The following LIMD1 variants were observed in gnomAD, a reference collection of about 807,000 sequenced individuals.
The protein encoded by LIMD1 is LIM domain-containing protein 1.
In LIMD1, 23 loss-of-function variants were observed where a neutral mutation model predicts 58.4. The ratio of observed to expected loss-of-function variants is 0.39; its 90% CI spans 0.28 to 0.56. LIMD1 has a LOEUF of 0.56. Ranked by LOEUF, LIMD1 falls within the 20% of genes least tolerant of loss-of-function variation. The probability of loss-of-function intolerance (pLI) is 0.57; values close to 1 mark genes in which losing one functional copy is unlikely to be tolerated. For missense variants in LIMD1, 838 were observed against 855.5 expected (o/e 0.98, Z 0.25); for synonymous variants, 334 against 345.5 (o/e 0.97, Z 0.37).
chr3:45,617,282 G>A (rs1011872446), intron 1 of LIMD1, among the ~76,000 whole-genome samples: 21 of 147,708 alleles, frequency 1.4e-4, no homozygotes, highest in Non-Finnish European at 3.0e-4. Context: ...CCTGACCTCA[G>A]GTGATCTACT....
chr3:45,615,823 C>CA (rs1275389924), intron 1 of LIMD1, among the ~76,000 whole-genome samples: 3 of 151,432 alleles, frequency 2.0e-5, no homozygotes, highest in Admixed American at 6.6e-5. Flanking sequence ...TCTAAGCCTC[C>CA]AATGTCTGTC....
intron 1 of LIMD1, among the ~76,000 whole-genome samples, chr3:45,627,211 A>T (rs1303301838): frequency 3.3e-5 from 5 of 152,066 alleles, no homozygotes; most frequent in African/African-American, 1.2e-4. Context: ...CTGAGCTGGG[A>T]TTTGGGGATT....
intron 1 of LIMD1, among the ~76,000 whole-genome samples, chr3:45,601,737 A>G (rs1701414836): frequency 6.6e-6 from 1 of 152,142 alleles, no homozygotes; most frequent in South Asian, 2.1e-4. Flanking sequence ...TCAAGACCAT[A>G]TGGGTACAAG....
At position 45,676,962 on chromosome 3, in the gene LIMD1, G is replaced by C. The variant is rs754792470; in HGVS notation, c.1934G>C (p.Cys645Ser). 3 of 1,614,154 alleles carry C rather than the reference G, an allele frequency of 1.9e-6. No homozygotes were observed. The highest frequency in any genetic ancestry group is 1.7e-6 in the Non-Finnish European group (2 of 1,179,998). ...CTCAATGATGAAGATGGCCACCGCT[G>C]TTATCCGCTGGAGGACCACCTGTTC... The part of the protein sequence containing the change: ...LELNDEDGHR[C>S]YPLEDHLFCH... Residue 645 changes from cysteine to serine, a missense_variant, in exon 8 of 8, where the codon TGT becomes TCT. Physicochemically the swap from Cys to Ser is moderately radical, Grantham distance 112. Coordinates refer to ENST00000273317, the MANE Select transcript of LIMD1 (RefSeq NM_014240.3).
chr3:45,611,172 C>G (rs1701519115), intron 1 of LIMD1, among the ~76,000 whole-genome samples: 1 of 152,182 alleles, frequency 6.6e-6, no homozygotes, highest in Non-Finnish European at 1.5e-5. Context: ...AAGCCAAGCC[C>G]AATCGATTTG....
chr3:45,628,699 C>T (rs774760828), intron 1 of LIMD1, among the ~76,000 whole-genome samples: 6 of 152,080 alleles, frequency 3.9e-5, no homozygotes, highest in Admixed American at 2.0e-4. Context: ...CCATTACAAA[C>T]GCTTGTACAC....
intron 1 of LIMD1, among the ~76,000 whole-genome samples, chr3:45,621,444 T>A (rs933103130): frequency 6.6e-6 from 1 of 152,138 alleles, no homozygotes; most frequent in East Asian, 1.9e-4. Flanking sequence ...TCTTACTCTG[T>A]TGCCAGGCTG....
chr3:45,636,168 G>A lies in LIMD1; in HGVS notation c.1427G>A (p.Ser476Asn), dbSNP rs775186675. 6.2e-7 allele frequency: 1 copy of A among 1,612,856 alleles called. No homozygotes were observed. Among genetic ancestry groups the A allele is most frequent in the South Asian group, 1.1e-5 (1 of 90,874 alleles). Residue 476 changes from serine to asparagine, a missense_variant, in exon 2 of 8, where the codon AGC becomes AAC. By Grantham distance (46) the Ser-to-Asn change is conservative. This residue lies in a region of LIMD1 where 659 missense variants were observed against 639.8 expected (regional missense o/e 1.03). Coordinates refer to ENST00000273317, the MANE Select transcript of LIMD1 (RefSeq NM_014240.3). ...CTGCAAGGAGCCTGTGTGAAATGCA[G>A]CAAAGGGGTGTTTGGGGCTGGCCAG... ...ADYFGACVKC[S>N]KGVFGAGQAC...
intron 2 of LIMD1, among the ~76,000 whole-genome samples, chr3:45,637,921 G>A (rs1023832488): frequency 6.6e-6 from 1 of 151,942 alleles, no homozygotes; most frequent in African/African-American, 2.4e-5. Context: ...GAGAATGTCC[G>A]CAGTGGAAAT....
intron 4 of LIMD1, among the ~76,000 whole-genome samples, chr3:45,671,999 A>T (rs1417400434): frequency 6.6e-6 from 1 of 152,188 alleles, no homozygotes; most frequent in Non-Finnish European, 1.5e-5. Context: ...AGTTCCAGGT[A>T]TCCCATCCAG....
chr3:45,618,601 A>G (rs545606557), intron 1 of LIMD1, among the ~76,000 whole-genome samples: 1 of 152,238 alleles, frequency 6.6e-6, no homozygotes, highest in African/African-American at 2.4e-5. Flanking sequence ...CTTTCCTAGA[A>G]AGGGAGGGAA....
intron 1 of LIMD1, among the ~76,000 whole-genome samples, chr3:45,618,836 G>A (rs992388774): frequency 6.6e-6 from 1 of 152,186 alleles, no homozygotes; most frequent in Non-Finnish European, 1.5e-5. Flanking sequence ...GACGTGGGGA[G>A]GAAGGTCTTG....
intron 1 of LIMD1, among the ~76,000 whole-genome samples, chr3:45,597,242 C>T (rs1474204869): frequency 1.3e-5 from 2 of 152,188 alleles, no homozygotes; most frequent in South Asian, 2.1e-4. Flanking sequence ...ATTCTTGGGC[C>T]CCACCCAAGA....
chr3:45,676,212 A>T (rs1239904048), intron 7 of LIMD1, among the ~76,000 whole-genome samples: 1 of 152,164 alleles, frequency 6.6e-6, no homozygotes, highest in African/African-American at 2.4e-5. Context: ...ACTGCACTCC[A>T]GCCTAGAAAA....
chr3:45,609,922 G>A (rs1701507273), intron 1 of LIMD1, among the ~76,000 whole-genome samples: 1 of 152,172 alleles, frequency 6.6e-6, no homozygotes, highest in Admixed American at 6.6e-5. Context: ...GGCTGGGTGC[G>A]GTGGCCCATG....
chr3:45,617,177 G>T (rs1411307601), intron 1 of LIMD1, among the ~76,000 whole-genome samples: 2 of 151,690 alleles, frequency 1.3e-5, no homozygotes, highest in Non-Finnish European at 1.5e-5. Flanking sequence ...GGGACTACAG[G>T]TGTGTGCCAC....
chr3:45,599,809 G>A (rs924401508), intron 1 of LIMD1, among the ~76,000 whole-genome samples: 60 of 152,250 alleles, frequency 3.9e-4, no homozygotes, highest in African/African-American at 1.4e-3. Context: ...TTCCTGCAGA[G>A]CTCATGCCAG....
At chr3:45,644,180 C>G (rs886590501) in intron 2 of LIMD1, among the ~76,000 whole-genome samples, 1 of 152,204 alleles carries the variant, frequency 6.6e-6, no homozygotes, top group Non-Finnish European at 1.5e-5. Flanking sequence ...TGTTGTGGAA[C>G]AGAGGTTCTT....
At chr3:45,613,229 T>C (rs1701543712) in intron 1 of LIMD1, among the ~76,000 whole-genome samples, 1 of 152,188 alleles carries the variant, frequency 6.6e-6, no homozygotes, top group African/African-American at 2.4e-5. Flanking sequence ...GAATCAACAA[T>C]ATATACTAAG....
Sources: allele counts gnomAD v4.1 joint callset (sites outside exome capture counted in the v4.1 genomes callset), GRCh38; gene constraint gnomAD v4.1.1; regional missense constraint gnomAD v4.1.1; transcripts MANE v1.5; gene names NCBI Gene and HGNC (gene_info 2026-07-23, HGNC 2026-07-21).